AHCYL2: variants seen among roughly 807,000 people sequenced by gnomAD.
AHCYL2 encodes the protein adenosylhomocysteinase like 2.
A neutral mutation model predicts 81.4 loss-of-function variants in AHCYL2; 28 were observed. The ratio of observed to expected loss-of-function variants is 0.34; its 90% CI spans 0.25 to 0.47. The LOEUF is 0.47. Among genes scored for constraint, AHCYL2 ranks in the 20% least tolerant of loss-of-function variants. AHCYL2 has a pLI of 1.00. For missense variants in AHCYL2, 551 were observed against 785.1 expected (o/e 0.70, Z 3.56); for synonymous variants, 272 against 290.2 (o/e 0.94, Z 0.64).
intron 12 of AHCYL2, among the ~76,000 whole-genome samples, chr7:129,421,070 G>T (rs559832103): frequency 1.3e-5 from 2 of 152,202 alleles, no homozygotes; most frequent in Non-Finnish European, 2.9e-5. Context: ...GGTCAACATG[G>T]TGAAACCCCA....
chr7:129,254,334 T>C (rs773894367), intron 1 of AHCYL2, among the ~76,000 whole-genome samples: 5 of 152,212 alleles, frequency 3.3e-5, no homozygotes, highest in Non-Finnish European at 5.9e-5. Flanking sequence ...ATTATTATCC[T>C]ACAACAACAT....
chr7:129,266,954 T>A (rs76882131), intron 1 of AHCYL2, among the ~76,000 whole-genome samples: 1 of 146,740 alleles, frequency 6.8e-6, no homozygotes, highest in African/African-American at 2.5e-5. Context: ...GTCAGATAAA[T>A]TTTTTTTTTT....
In AHCYL2 at chr7:129,368,432, C is replaced by T. The variant is rs988636052; in HGVS notation, c.364-11206C>T. ...GGTCTGCTTTGGGGCACTCAGATAA[C>T]CCCAGTATTTCCAAACCAGCTTTCC... On this transcript the variant is annotated intron_variant, in intron 1 of 16. Transcript: ENST00000325006. The surrounding 1 kb of genome is among the most constrained non-coding windows in gnomAD (Gnocchi z 4.4). 30 of 1,613,242 alleles carry T rather than the reference C, an allele frequency of 1.9e-5. No homozygotes were observed. The highest frequency in any genetic ancestry group is 2.5e-5 in the Non-Finnish European group (30 of 1,179,548).
chr7:129,295,788 T>A (rs1241325045), intron 1 of AHCYL2, among the ~76,000 whole-genome samples: 1 of 152,216 alleles, frequency 6.6e-6, no homozygotes, highest in Non-Finnish European at 1.5e-5. Flanking sequence ...TGCATGCTCT[T>A]AGTAGAACTC....
At chr7:129,282,110 C>A (rs1452729576) in intron 1 of AHCYL2, among the ~76,000 whole-genome samples, 2 of 151,966 alleles carry the variant, frequency 1.3e-5, no homozygotes, top group African/African-American at 4.8e-5. Context: ...GACTCTAATT[C>A]TTTTATATTT....
chr7:129,261,360 G>T (rs1795635847), intron 1 of AHCYL2, among the ~76,000 whole-genome samples: 1 of 152,174 alleles, frequency 6.6e-6, no homozygotes, highest in Non-Finnish European at 1.5e-5. Context: ...AGAGAGTTCT[G>T]TGGCAACTGT....
chr7:129,368,422 A>C lies in AHCYL2; in HGVS notation c.364-11216A>C. 1 of 1,612,320 alleles carries C rather than the reference A, an allele frequency of 6.2e-7. No homozygotes were observed. Among genetic ancestry groups the C allele is most frequent in the Non-Finnish European group, 8.5e-7 (1 of 1,178,994 alleles). On this transcript the variant is annotated intron_variant, in intron 1 of 16. Coordinates refer to ENST00000325006, the MANE Select transcript of AHCYL2 (RefSeq NM_015328.4). This position sits in a 1 kb window ranked among gnomAD's most constrained non-coding sequence, Gnocchi z 4.4. ...ACTAGGGTTGGGTCTGCTTTGGGGC[A>C]CTCAGATAACCCCAGTATTTCCAAA... is the stretch of plus-strand genomic sequence containing the variant.
intron 15 of AHCYL2, among the ~76,000 whole-genome samples, chr7:129,425,640 G>A (rs1274246352): frequency 6.6e-6 from 1 of 152,196 alleles, no homozygotes; most frequent in Non-Finnish European, 1.5e-5. Context: ...TTTTGTATAA[G>A]AGAAACATTA....
At chr7:129,228,477 A>T (rs1199438860) in intron 1 of AHCYL2, among the ~76,000 whole-genome samples, 1 of 152,220 alleles carries the variant, frequency 6.6e-6, no homozygotes, top group Non-Finnish European at 1.5e-5. Flanking sequence ...TGGCTATGAT[A>T]TATTTAATTA....
chr7:129,226,747 A>G (rs566831402), intron 1 of AHCYL2, among the ~76,000 whole-genome samples: 2 of 152,344 alleles, frequency 1.3e-5, no homozygotes, highest in East Asian at 3.9e-4. Flanking sequence ...TGTCGTTTGT[A>G]GTATGAAACT....
At chr7:129,396,250 G>T (rs1282296538) in intron 4 of AHCYL2, among the ~76,000 whole-genome samples, 1 of 152,040 alleles carries the variant, frequency 6.6e-6, no homozygotes, top group East Asian at 1.9e-4. Flanking sequence ...AGCCTCCCGA[G>T]TAGCTGGGAC....
chr7:129,330,475 T>C (rs1158327585), intron 1 of AHCYL2, among the ~76,000 whole-genome samples: 1 of 151,418 alleles, frequency 6.6e-6, no homozygotes, highest in Non-Finnish European at 1.5e-5. Context: ...GGTACATTTT[T>C]TTTTTTTTTT....
At chr7:129,356,279 T>C (rs150360909) in intron 1 of AHCYL2, among the ~76,000 whole-genome samples, 1 of 152,300 alleles carries the variant, frequency 6.6e-6, no homozygotes, top group Non-Finnish European at 1.5e-5. Context: ...TAATAAACCA[T>C]CTTCCTTAAG....
At chr7:129,232,143 A>G (rs1794468742) in intron 1 of AHCYL2, among the ~76,000 whole-genome samples, 1 of 152,164 alleles carries the variant, frequency 6.6e-6, no homozygotes, top group Non-Finnish European at 1.5e-5. Context: ...CAGTGCTCCA[A>G]GGTGAAACTT....
At chr7:129,230,079 C>CTTTTT (rs35056717) in intron 1 of AHCYL2, among the ~76,000 whole-genome samples, 17 of 109,428 alleles carry the variant, frequency 1.6e-4, no homozygotes, top group Non-Finnish European at 2.6e-4. Flanking sequence ...TTATTTAATT[C>CTTTTT]TTTTTTTTTT....
At chr7:129,237,079 G>T (rs1336419752) in intron 1 of AHCYL2, among the ~76,000 whole-genome samples, 1 of 150,982 alleles carries the variant, frequency 6.6e-6, no homozygotes, top group African/African-American at 2.4e-5. Flanking sequence ...CTTGTTTCTT[G>T]TAACATTGTT....
At chr7:129,245,169 C>T (rs763002925) in intron 1 of AHCYL2, among the ~76,000 whole-genome samples, 1 of 151,678 alleles carries the variant, frequency 6.6e-6, no homozygotes, top group Admixed American at 6.6e-5. Flanking sequence ...GGATTATAGG[C>T]GTGTACCACC....
intron 12 of AHCYL2, 86 bp downstream of exon 12, chr7:129,413,774 C>T: frequency 9.3e-7 from 1 of 1,077,268 alleles, no homozygotes; most frequent in Non-Finnish European, 1.4e-6. Flanking sequence ...GGTCACAAGC[C>T]ATCCTAAACA....
chr7:129,396,327 G>A (rs1022947077), intron 4 of AHCYL2, among the ~76,000 whole-genome samples: 4 of 151,858 alleles, frequency 2.6e-5, no homozygotes, highest in East Asian at 3.9e-4. Context: ...GGGTTTCACC[G>A]TGTTAGCCAG....
Sources: allele counts gnomAD v4.1 joint callset (sites outside exome capture counted in the v4.1 genomes callset), GRCh38; gene constraint gnomAD v4.1.1; non-coding constraint Gnocchi (gnomAD v3.1); transcripts MANE v1.5; gene names NCBI Gene and HGNC (gene_info 2026-07-23, HGNC 2026-07-21).